Variants in TRHDE observed in about 807,000 individuals in gnomAD.
TRHDE encodes the protein thyrotropin-releasing hormone-degrading ectoenzyme.
In TRHDE, 72 loss-of-function variants were observed where a neutral mutation model predicts 125.7. That is an observed-to-expected ratio of 0.57 (90% confidence interval 0.47 to 0.70). The LOEUF (loss-of-function observed/expected upper bound fraction) is 0.70. TRHDE is among the 30% of genes least tolerant of loss of function. The pLI, the probability that TRHDE is intolerant of heterozygous loss-of-function variation, is 0.00. For missense variants in TRHDE, 1,110 were observed against 1,327.1 expected, an observed-to-expected ratio of 0.84 and a Z score of 2.54; for synonymous variants, 509 against 509.1, an observed-to-expected ratio of 1.00 and a Z score of 0.00.
chr12:72,540,951 A>G (rs1869116730), intron 6 of TRHDE, among the ~76,000 whole-genome samples: 1 of 151,600 alleles, frequency 6.6e-6, no homozygotes, highest in African/African-American at 2.4e-5. Flanking sequence ...TTTTTGATAC[A>G]CATCTTTAAT....
At chr12:72,178,824 C>T (rs2139340096) in intron 2 of TRHDE, among the ~76,000 whole-genome samples, 1 of 152,122 alleles carries the variant, frequency 6.6e-6, no homozygotes, top group East Asian at 1.9e-4. Context: ...TTTATCTGAA[C>T]TGTGAAAGCA....
chr12:72,194,316 A>G (rs1372305915), intron 2 of TRHDE, among the ~76,000 whole-genome samples: 2 of 152,116 alleles, frequency 1.3e-5, no homozygotes, highest in Non-Finnish European at 1.5e-5. Flanking sequence ...ACCTTAGTCT[A>G]CATTACCAAG....
intron 10 of TRHDE, 144 bp from the exon 11 acceptor site, chr12:72,575,111 T>G: frequency 1.4e-6 from 1 of 734,570 alleles, no homozygotes; most frequent in Non-Finnish European, 2.2e-6. Context: ...ATGCAAGTGA[T>G]TAATTAAAGA....
At chr12:72,590,444 T>C (rs1197172327) in intron 12 of TRHDE, among the ~76,000 whole-genome samples, 1 of 152,012 alleles carries the variant, frequency 6.6e-6, no homozygotes, top group East Asian at 1.9e-4. Flanking sequence ...CTTATAATTT[T>C]TAGTCATTTG....
At chr12:72,353,012 C>T (rs1870653166) in intron 2 of TRHDE, among the ~76,000 whole-genome samples, 1 of 151,196 alleles carries the variant, frequency 6.6e-6, no homozygotes, top group African/African-American at 2.4e-5. Flanking sequence ...AAAAAAATTA[C>T]CCAATACAAC....
At chr12:72,248,334 CT>C (rs1245586155) in intron 2 of TRHDE, among the ~76,000 whole-genome samples, 2 of 144,106 alleles carry the variant, frequency 1.4e-5, no homozygotes, top group African/African-American at 5.1e-5. Context: ...AGGAGAATTG[CT>C]TCAACTCGGG....
chr12:72,571,444 C>T (rs1336081333), intron 10 of TRHDE, among the ~76,000 whole-genome samples: 1 of 152,084 alleles, frequency 6.6e-6, no homozygotes, highest in East Asian at 1.9e-4. Context: ...AGATTTGGAT[C>T]GTCCTATATT....
In TRHDE at chr12:72,519,980, A is replaced by T. The variant is rs551517481; in HGVS notation, c.1722+20345A>T. On this transcript the variant is annotated intron_variant, in intron 6 of 18. Transcript: ENST00000261180. ...GGGTCAGGGGTCAGGGACCCACTTC[A>T]GGAGGCAGTCTGCCCGTTCTCAGAT... Among the ~76,000 whole-genome samples the T allele has an allele frequency of 3.3e-5, 5 of 152,332 alleles. No individual in the cohort carries two copies. In the East Asian group the frequency reaches 5.8e-4, roughly 18 times the overall value.
intron 5 of TRHDE, among the ~76,000 whole-genome samples, chr12:72,497,577 A>T (rs1206985063): frequency 2.0e-5 from 3 of 152,156 alleles, no homozygotes; most frequent in Non-Finnish European, 4.4e-5. Context: ...CACACTTTTA[A>T]TTCGTATTTC....
chr12:72,388,009 A>C (rs1300893831), intron 3 of TRHDE, among the ~76,000 whole-genome samples: 1 of 152,024 alleles, frequency 6.6e-6, no homozygotes, highest in Non-Finnish European at 1.5e-5. Flanking sequence ...AAGACCCTGC[A>C]TGCTTGCCCC....
At chr12:72,415,799 A>C (rs1310889610) in intron 3 of TRHDE, among the ~76,000 whole-genome samples, 1 of 152,040 alleles carries the variant, frequency 6.6e-6, no homozygotes, top group Non-Finnish European at 1.5e-5. Flanking sequence ...AGACATTTAG[A>C]CTGATTCCAT....
At chr12:72,532,896 G>C (rs548542152) in intron 6 of TRHDE, among the ~76,000 whole-genome samples, 1 of 151,390 alleles carries the variant, frequency 6.6e-6, no homozygotes, top group East Asian at 1.9e-4. Context: ...TTGCATACAT[G>C]ATCATATGAA....
chr12:72,513,395 T>C (rs1397001819), intron 6 of TRHDE, among the ~76,000 whole-genome samples: 1 of 152,108 alleles, frequency 6.6e-6, no homozygotes, highest in African/African-American at 2.4e-5. Flanking sequence ...AATATGTTAT[T>C]TCCTTGGAAA....
At chr12:72,398,121 A>T (rs1872882436) in intron 3 of TRHDE, among the ~76,000 whole-genome samples, 1 of 151,900 alleles carries the variant, frequency 6.6e-6, no homozygotes, top group Non-Finnish European at 1.5e-5. Flanking sequence ...ACTGAGAATG[A>T]TGATTTCCAA....
chr12:72,150,660 G>A (rs1396551926), intron 2 of TRHDE, among the ~76,000 whole-genome samples: 1 of 149,632 alleles, frequency 6.7e-6, no homozygotes, highest in Non-Finnish European at 1.5e-5. Context: ...TTGGTTTTTT[G>A]TCCTTGCAAT....
At chr12:72,538,324 T>C (rs1868971295) in intron 6 of TRHDE, among the ~76,000 whole-genome samples, 1 of 152,010 alleles carries the variant, frequency 6.6e-6, no homozygotes, top group Non-Finnish European at 1.5e-5. Context: ...TTAAAACATG[T>C]CTTCTATGAC....
chr12:72,222,268 G>C (rs1878017072), intron 2 of TRHDE, among the ~76,000 whole-genome samples: 2 of 152,090 alleles, frequency 1.3e-5, no homozygotes, highest in Non-Finnish European at 2.9e-5. Context: ...TGTGGAATGA[G>C]AGAGATTGTT....
chr12:72,666,594 C>T lies in TRHDE; in HGVS notation c.*3399C>T, dbSNP rs976382421. ...CAATGTTTGTTGTTATTTTGGGAAC[C>T]AATATAACAACCTAAGTCTATCACA... is the stretch of plus-strand genomic sequence containing the variant. On this transcript the variant is annotated 3_prime_UTR_variant, in exon 19 of 19. Transcript: ENST00000261180. The T allele has an allele frequency of 6.6e-6, 1 of 151,862 alleles. No individual in the cohort carries two copies. The highest frequency in any genetic ancestry group is 2.4e-5 in the African/African-American group (1 of 41,358). 9.4% of individuals were successfully genotyped at this position (151,862 alleles called of 1,614,324 possible). A position where few individuals can be genotyped will look rare whatever the true frequency, so the allele number is the denominator to read the frequency against.
intron 3 of TRHDE, among the ~76,000 whole-genome samples, chr12:72,462,833 C>T (rs1453066023): frequency 6.6e-6 from 1 of 152,118 alleles, no homozygotes; most frequent in Non-Finnish European, 1.5e-5. Context: ...TGGCCCCCTG[C>T]CCTACCTGCA....
Sources: gnomAD v4.1 joint callset for allele counts (sites outside exome capture counted in the v4.1 genomes callset) on GRCh38, gnomAD v4.1.1 for gene constraint, MANE v1.5 for transcripts, NCBI Gene and HGNC (gene_info 2026-07-23, HGNC 2026-07-21) for gene names.